TBC1D19: variants seen among roughly 807,000 people sequenced by gnomAD.
TBC1D19 encodes the protein TBC1 domain family member 19.
A neutral mutation model predicts 89.0 loss-of-function variants in TBC1D19; 60 were observed. The observed-to-expected ratio is 0.67, with a 90% CI of 0.55 to 0.84. TBC1D19 has a LOEUF of 0.84. TBC1D19 is among the 40% of genes least tolerant of loss of function. The pLI, the probability that TBC1D19 is intolerant of heterozygous loss-of-function variation, is 0.00. For synonymous variants in TBC1D19, 189 were observed against 199.7 expected (o/e 0.95, Z 0.45); for missense variants, 500 against 610.8 (o/e 0.82, Z 1.91).
chr4:26,625,395 G>A (rs1027916156), intron 4 of TBC1D19, among the ~76,000 whole-genome samples: 9 of 152,116 alleles, frequency 5.9e-5, no homozygotes, highest in Non-Finnish European at 1.0e-4. Context: ...AGAGTTTTGC[G>A]AAGTTAGCAC....
chr4:26,596,483 TGTGTGA>T (rs1273712150), intron 1 of TBC1D19, among the ~76,000 whole-genome samples: 40 of 151,920 alleles, frequency 2.6e-4, no homozygotes, highest in Middle Eastern at 3.4e-3. Flanking sequence ...TGTGTGTGTG[TGTGTGA>T]GAGAGAGTGT....
chr4:26,620,411 C>T (rs1741968031), intron 3 of TBC1D19, among the ~76,000 whole-genome samples: 1 of 152,198 alleles, frequency 6.6e-6, no homozygotes, highest in South Asian at 2.1e-4. Context: ...AATGTTATCT[C>T]AATCACCACC....
At chr4:26,734,916 GTACA>G (rs541957797) in intron 15 of TBC1D19, among the ~76,000 whole-genome samples, 1 of 101,808 alleles carries the variant, frequency 9.8e-6, no homozygotes, top group South Asian at 3.4e-4. Flanking sequence ...ACACACATGT[GTACA>G]TACACATATA....
chr4:26,579,133 C>T (rs961310610), upstream of TBC1D19, among the ~76,000 whole-genome samples: 1 of 152,236 alleles, frequency 6.6e-6, no homozygotes, highest in African/African-American at 2.4e-5. Context: ...ACAACCAACT[C>T]TGTGTGAATG....
At chr4:26,815,034 A>C in the TBC1D19 span, among the ~76,000 whole-genome samples, 32 of 152,184 alleles carry the variant, frequency 2.1e-4, no homozygotes, top group Middle Eastern at 3.4e-3. Context: ...AAAAAAAAAA[A>C]ACCAAATAAA....
At chr4:26,626,678 C>T (rs1742424578) in intron 4 of TBC1D19, among the ~76,000 whole-genome samples, 1 of 151,996 alleles carries the variant, frequency 6.6e-6, no homozygotes, top group Non-Finnish European at 1.5e-5. Context: ...CTCTGTCAAT[C>T]CAGTAACCTT....
chr4:26,792,348 C>T, the TBC1D19 span, among the ~76,000 whole-genome samples: 4 of 152,132 alleles, frequency 2.6e-5, no homozygotes, highest in South Asian at 4.2e-4. Context: ...GATTTGGCAA[C>T]GTGGAAACTA....
At chr4:26,752,771 T>C (rs1042628050) in intron 19 of TBC1D19, among the ~76,000 whole-genome samples, 1 of 152,210 alleles carries the variant, frequency 6.6e-6, no homozygotes, top group African/African-American at 2.4e-5. Flanking sequence ...TTTTGCATGT[T>C]AGCATTACTC....
At chr4:26,615,605 G>T (rs1741635221) in intron 3 of TBC1D19, among the ~76,000 whole-genome samples, 1 of 152,072 alleles carries the variant, frequency 6.6e-6, no homozygotes, top group Admixed American at 6.6e-5. Flanking sequence ...AAAATAAAGA[G>T]ACTCAGATGA....
chr4:26,775,131 C>CT, the TBC1D19 span, among the ~76,000 whole-genome samples: 1 of 152,120 alleles, frequency 6.6e-6, no homozygotes, highest in African/African-American at 2.4e-5. Flanking sequence ...GATTTGAAAG[C>CT]TTGTACCCTC....
chr4:26,605,715 G>A (rs1740953299), intron 1 of TBC1D19, among the ~76,000 whole-genome samples: 1 of 152,120 alleles, frequency 6.6e-6, no homozygotes. Flanking sequence ...TCCAGCACCT[G>A]TTGTTTCCTG....
downstream of TBC1D19, among the ~76,000 whole-genome samples, chr4:26,757,216 C>T (rs1010371257): frequency 6.6e-5 from 10 of 152,046 alleles, no homozygotes; most frequent in African/African-American, 2.2e-4. Flanking sequence ...GTTTTCACTA[C>T]GTTGGCCAAC....
intron 12 of TBC1D19, among the ~76,000 whole-genome samples, chr4:26,685,884 A>G (rs1713769613): frequency 6.6e-6 from 1 of 152,228 alleles, no homozygotes. Flanking sequence ...AAAAGTAAGG[A>G]GTGCTAGGAT....
At chr4:26,831,578 C>CTT in the TBC1D19 span, among the ~76,000 whole-genome samples, 21 of 123,342 alleles carry the variant, frequency 1.7e-4, no homozygotes, top group East Asian at 2.8e-4. Context: ...TCTTTTTCTT[C>CTT]TTTTTTTTTT....
intron 15 of TBC1D19, among the ~76,000 whole-genome samples, chr4:26,733,626 T>G (rs1717796952): frequency 6.6e-6 from 1 of 152,234 alleles, no homozygotes; most frequent in Non-Finnish European, 1.5e-5. Context: ...CACCCCGTCA[T>G]GTTCAGCATT....
At chr4:26,758,083 C>A (rs915986801), downstream of TBC1D19, among the ~76,000 whole-genome samples, 1 of 152,092 alleles carries the variant, frequency 6.6e-6, no homozygotes, top group African/African-American at 2.4e-5. Context: ...GGCCTTCCCC[C>A]AAAATTTTTC....
intron 2 of TBC1D19, 93 bp from the exon 3 acceptor site, chr4:26,614,315 A>G (rs952225211): frequency 1.1e-6 from 1 of 895,946 alleles, no homozygotes; most frequent in Non-Finnish European, 1.7e-6. Flanking sequence ...AATTAATATG[A>G]TGCCAAAGTT....
the TBC1D19 span, among the ~76,000 whole-genome samples, chr4:26,803,818 G>A: frequency 6.6e-6 from 1 of 151,404 alleles, no homozygotes; most frequent in African/African-American, 2.4e-5. Context: ...CTGGGGAAAG[G>A]AGAGGAAAAT....
the TBC1D19 span, among the ~76,000 whole-genome samples, chr4:26,829,976 T>C: frequency 6.6e-6 from 1 of 152,134 alleles, no homozygotes; most frequent in African/African-American, 2.4e-5. Context: ...CTGCACCCCT[T>C]CCATGCCTAT....
Sources: gnomAD v4.1 joint callset for allele counts (sites outside exome capture counted in the v4.1 genomes callset) on GRCh38, gnomAD v4.1.1 for gene constraint, MANE v1.5 for transcripts, NCBI Gene and HGNC (gene_info 2026-07-23, HGNC 2026-07-21) for gene names.